The following MAP3K5 variants were observed in gnomAD, a reference collection of about 807,000 sequenced individuals.
MAP3K5 encodes the protein mitogen-activated protein kinase kinase kinase 5, also known as ASK-1.
In MAP3K5, 56 loss-of-function variants were observed where a neutral mutation model predicts 158.7. That is an observed-to-expected ratio of 0.35 (90% CI 0.28 to 0.44). MAP3K5 has a LOEUF of 0.44. Ranked by LOEUF, MAP3K5 falls within the 20% of genes least tolerant of loss-of-function variation. The probability of loss-of-function intolerance (pLI) is 1.00; values close to 1 mark genes in which losing one functional copy is unlikely to be tolerated. For missense variants in MAP3K5, 1,294 were observed against 1,674.8 expected, an observed-to-expected ratio of 0.77 and a Z score of 3.97; for synonymous variants, 579 against 601.7, an observed-to-expected ratio of 0.96 and a Z score of 0.55.
chr6:136,633,125 G>A (rs117231815), intron 14 of MAP3K5, among the ~76,000 whole-genome samples: 1,589 of 152,244 alleles, frequency 0.01, 78 homozygotes, highest in East Asian at 0.093. Flanking sequence ...TTGGCCAGGC[G>A]CAGTGGCTCA....
chr6:136,789,972 G>A (rs566991692), intron 1 of MAP3K5, among the ~76,000 whole-genome samples: 3 of 152,170 alleles, frequency 2.0e-5, no homozygotes, highest in Non-Finnish European at 4.4e-5. Context: ...GATTACAGGC[G>A]TGAGCCACCA....
At chr6:136,765,156 T>C (rs1292794995) in intron 1 of MAP3K5, among the ~76,000 whole-genome samples, 5 of 152,264 alleles carry the variant, frequency 3.3e-5, no homozygotes, top group Admixed American at 1.3e-4. Context: ...GGTAGATTCA[T>C]GCATCAGATA....
At chr6:136,565,847 C>G (rs1374993568) in intron 26 of MAP3K5, among the ~76,000 whole-genome samples, 1 of 152,082 alleles carries the variant, frequency 6.6e-6, no homozygotes, top group African/African-American at 2.4e-5. Context: ...TGATGGAAAG[C>G]CGTGGGAGAT....
At chr6:136,566,946 A>G (rs1355753019) in intron 26 of MAP3K5, among the ~76,000 whole-genome samples, 3 of 152,230 alleles carry the variant, frequency 2.0e-5, no homozygotes, top group Non-Finnish European at 4.4e-5. Flanking sequence ...ATGCAAACCC[A>G]GAGTCATAAA....
At chr6:136,622,741 G>T in intron 15 of MAP3K5, 107 bp downstream of exon 15, 1 of 1,234,230 alleles carries the variant, frequency 8.1e-7, no homozygotes, top group Non-Finnish European at 1.1e-6. Flanking sequence ...TTCACAGAGT[G>T]AAGTTTTCAC....
chr6:136,762,977 C>A (rs745576893), intron 1 of MAP3K5, among the ~76,000 whole-genome samples: 1 of 152,138 alleles, frequency 6.6e-6, no homozygotes, highest in Non-Finnish European at 1.5e-5. Context: ...CATTATGTAT[C>A]TTTTATTTAC....
chr6:136,627,634 G>A (rs1777103163), intron 14 of MAP3K5, among the ~76,000 whole-genome samples: 1 of 152,176 alleles, frequency 6.6e-6, no homozygotes, highest in South Asian at 2.1e-4. Context: ...TATGAAAGAG[G>A]CTTGAAGGAG....
chr6:136,640,180 C>G (rs568097746), intron 12 of MAP3K5, among the ~76,000 whole-genome samples: 1 of 152,304 alleles, frequency 6.6e-6, no homozygotes, highest in South Asian at 2.1e-4. Flanking sequence ...TTTCAGTTGA[C>G]CCACTAGGCC....
intron 1 of MAP3K5, among the ~76,000 whole-genome samples, chr6:136,754,238 T>TC (rs1435286587): frequency 7.0e-6 from 1 of 141,882 alleles, no homozygotes; most frequent in African/African-American, 2.6e-5. Flanking sequence ...GTGCCACTGC[T>TC]CCCCAGCCTG....
chr6:136,756,959 G>A (rs1332820607), intron 1 of MAP3K5, among the ~76,000 whole-genome samples: 1 of 152,222 alleles, frequency 6.6e-6, no homozygotes, highest in Non-Finnish European at 1.5e-5. Context: ...ACCACACGAA[G>A]CTCAGAAGCA....
intron 1 of MAP3K5, among the ~76,000 whole-genome samples, chr6:136,740,247 A>G (rs570380845): frequency 3.2e-4 from 49 of 152,296 alleles, no homozygotes; most frequent in Non-Finnish European, 4.9e-4. Flanking sequence ...GAGTGTGCAC[A>G]GCGGGGCTGG....
At chr6:136,589,910 T>C (rs889456070) in intron 23 of MAP3K5, among the ~76,000 whole-genome samples, 1 of 152,206 alleles carries the variant, frequency 6.6e-6, no homozygotes, top group African/African-American at 2.4e-5. Flanking sequence ...TTATGGTTGC[T>C]TGCCCTGGTT....
At position 136,559,126 on chromosome 6, in the gene MAP3K5, G is replaced by A. The variant is rs143706630; in HGVS notation, c.3988-250C>T. Among the ~76,000 whole-genome samples the A allele has an allele frequency of 8.9e-4, 136 of 152,256 alleles. No homozygotes were observed. The East Asian group carries it at 0.021, about 24-fold the overall frequency. On this transcript the variant is annotated intron_variant, in intron 28 of 29. Coordinates refer to ENST00000359015, the MANE Select transcript of MAP3K5 (RefSeq NM_005923.4). Reference sequence around the variant, plus strand: ...AGCACTTTAGGAGGCTGAGGCAGGCGGATCATCTGAGGTCAGGAGTTCGAG... The same window carrying A: ...AGCACTTTAGGAGGCTGAGGCAGGCAGATCATCTGAGGTCAGGAGTTCGAG...
At chr6:136,786,951 T>C (rs1354271022) in intron 1 of MAP3K5, among the ~76,000 whole-genome samples, 1 of 152,072 alleles carries the variant, frequency 6.6e-6, no homozygotes, top group Non-Finnish European at 1.5e-5. Flanking sequence ...AATAAGTTCT[T>C]ACTCACTCCG....
intron 1 of MAP3K5, among the ~76,000 whole-genome samples, chr6:136,757,596 T>A (rs1051446920): frequency 3.4e-5 from 5 of 148,240 alleles, no homozygotes; most frequent in East Asian, 1.9e-4. Flanking sequence ...ATTTTTTTTT[T>A]TTTTTTTTGA....
chr6:136,681,533 C>T lies in MAP3K5; in HGVS notation c.1254-12138G>A, dbSNP rs113390565. ...CAGTAGTCATGGATACTTCAGAGGC[C>T]GAGGCAGGAGGACAGTTTGAACCCA... On this transcript the variant is annotated intron_variant, in intron 7 of 29. Transcript: ENST00000359015. 1.5e-3 allele frequency among the ~76,000 whole-genome samples: 224 copies of T among 152,066 alleles called. 4 individuals are homozygous for T. Among genetic ancestry groups the T allele is most frequent in the African/African-American group, 4.8e-3 (201 of 41,458 alleles).
chr6:136,790,477 T>A (rs1178425809), intron 1 of MAP3K5, among the ~76,000 whole-genome samples: 1 of 152,254 alleles, frequency 6.6e-6, no homozygotes, highest in African/African-American at 2.4e-5. Flanking sequence ...AGCTATATTA[T>A]AGCCATGCTC....
intron 25 of MAP3K5, among the ~76,000 whole-genome samples, chr6:136,571,652 G>A (rs973203149): frequency 3.3e-5 from 5 of 152,136 alleles, no homozygotes; most frequent in African/African-American, 9.7e-5. Flanking sequence ...CCATTCATCT[G>A]TTGCTAGATA....
chr6:136,659,646 T>C (rs1167716070), intron 8 of MAP3K5, among the ~76,000 whole-genome samples: 5 of 152,186 alleles, frequency 3.3e-5, no homozygotes, highest in African/African-American at 1.2e-4. Context: ...TGATTCCACT[T>C]ACAAGAGGTA....
Sources: gnomAD v4.1 joint callset for allele counts (sites outside exome capture counted in the v4.1 genomes callset) on GRCh38, gnomAD v4.1.1 for gene constraint, MANE v1.5 for transcripts, NCBI Gene and HGNC (gene_info 2026-07-23, HGNC 2026-07-21) for gene names.